Variants in PDE1C observed in about 807,000 individuals in gnomAD.
The protein encoded by PDE1C is dual specificity calcium/calmodulin-dependent 3',5'-cyclic nucleotide phosphodiesterase 1C.
Under a neutral mutation model 93.1 loss-of-function variants are expected in PDE1C, and 62 were observed. The ratio of observed to expected loss-of-function variants is 0.67; its 90% confidence interval spans 0.54 to 0.82. PDE1C has a LOEUF of 0.82. Among genes scored for constraint, PDE1C ranks in the 40% least tolerant of loss-of-function variants. PDE1C has a pLI of 0.00. For missense variants in PDE1C, 742 were observed against 884.6 expected (o/e 0.84, Z 2.04); for synonymous variants, 325 against 310.1 (o/e 1.05, Z -0.50).
intron 2 of PDE1C, among the ~76,000 whole-genome samples, chr7:32,035,567 A>G (rs1010155303): frequency 3.3e-5 from 5 of 152,352 alleles, no homozygotes; most frequent in South Asian, 2.1e-4. Flanking sequence ...TAAAGAAATT[A>G]TATTTTCTGA....
intron 2 of PDE1C, among the ~76,000 whole-genome samples, chr7:32,180,450 G>C (rs1803316543): frequency 6.6e-6 from 1 of 152,108 alleles, no homozygotes; most frequent in Non-Finnish European, 1.5e-5. Flanking sequence ...GTGGCCTTTG[G>C]GAGGTGATTG....
At chr7:31,947,935 G>A (rs1275807455) in intron 2 of PDE1C, among the ~76,000 whole-genome samples, 1 of 152,188 alleles carries the variant, frequency 6.6e-6, no homozygotes, top group Non-Finnish European at 1.5e-5. Context: ...GCAGTAAGAT[G>A]TGCAGGTGAT....
chr7:32,106,342 C>G (rs1323780153), intron 3 of PDE1C, among the ~76,000 whole-genome samples: 1 of 152,118 alleles, frequency 6.6e-6, no homozygotes, highest in Non-Finnish European at 1.5e-5. Context: ...CTATGCCCAG[C>G]TTTACAACTA....
the PDE1C span, among the ~76,000 whole-genome samples, chr7:31,618,527 G>A: frequency 4.6e-5 from 7 of 152,268 alleles, no homozygotes; most frequent in South Asian, 1.0e-3. Flanking sequence ...GCCTCCAGGG[G>A]CCCCTTCTTC....
At chr7:31,717,271 G>C in the PDE1C span, among the ~76,000 whole-genome samples, 4 of 152,144 alleles carry the variant, frequency 2.6e-5, no homozygotes, top group Non-Finnish European at 5.9e-5. Context: ...TAAAAAGTTA[G>C]TGAATGTTTA....
At chr7:32,246,168 T>C (rs947206057) in intron 1 of PDE1C, among the ~76,000 whole-genome samples, 4 of 152,036 alleles carry the variant, frequency 2.6e-5, no homozygotes, top group Non-Finnish European at 5.9e-5. Flanking sequence ...AAGGTTTCAC[T>C]ATGTTTCCCA....
intron 1 of PDE1C, among the ~76,000 whole-genome samples, chr7:32,340,118 A>G (rs215671): frequency 0.96 from 146,316 of 152,170 alleles, 70,460 homozygotes; most frequent in East Asian, 1. Flanking sequence ...GCTGGGACTT[A>G]CCAGAGTGGG....
intron 1 of PDE1C, among the ~76,000 whole-genome samples, chr7:32,245,882 A>G (rs1808892789): frequency 6.6e-6 from 1 of 151,972 alleles, no homozygotes; most frequent in Non-Finnish European, 1.5e-5. Flanking sequence ...ACTCTGCCCT[A>G]CTTATCCAGT....
Position 32,018,347 on chromosome 7 carries a change from C to T in PDE1C, c.128+33207G>A, listed in dbSNP as rs990500066. 5.9e-5 allele frequency among the ~76,000 whole-genome samples: 9 copies of T among 152,054 alleles called. No homozygotes were observed. The East Asian group carries it at 7.7e-4, about 13-fold the overall frequency. On this transcript the variant is annotated intron_variant, in intron 2 of 17. Coordinates refer to ENST00000396191, the MANE Select transcript of PDE1C (RefSeq NM_001191057.4). ...AAGAGAAATGAAAACTAAAAACATA[C>T]GTCTACCCAAAAACTTACATAAGAA...
At chr7:31,628,995 TC>T in the PDE1C span, among the ~76,000 whole-genome samples, 612 of 152,208 alleles carry the variant, frequency 4.0e-3, no homozygotes, top group Middle Eastern at 0.017. Flanking sequence ...GGTACTTGAA[TC>T]AGTAGAAAAA....
chr7:32,287,638 C>T (rs540168428), intron 1 of PDE1C, among the ~76,000 whole-genome samples: 3 of 152,210 alleles, frequency 2.0e-5, no homozygotes, highest in South Asian at 2.1e-4. Context: ...TGAGTGGTTA[C>T]GACCCATGCG....
chr7:31,903,918 A>G (rs1253165776), intron 2 of PDE1C, among the ~76,000 whole-genome samples: 1 of 152,178 alleles, frequency 6.6e-6, no homozygotes, highest in Middle Eastern at 3.2e-3. Context: ...TATCTCTATT[A>G]TTGAGATAAA....
chr7:31,961,329 T>C (rs963738498), intron 2 of PDE1C, among the ~76,000 whole-genome samples: 15 of 151,972 alleles, frequency 9.9e-5, no homozygotes, highest in Non-Finnish European at 2.1e-4. Flanking sequence ...TATATACATA[T>C]ACAAGATTGA....
chr7:31,652,701 G>A, the PDE1C span: 1 of 1,613,960 alleles, frequency 6.2e-7, no homozygotes, highest in Middle Eastern at 1.6e-4. Flanking sequence ...CCAGTTGGCT[G>A]CCTTCACTCC....
intron 17 of PDE1C, among the ~76,000 whole-genome samples, chr7:31,769,351 G>T (rs78157379): frequency 0.011 from 1,710 of 152,188 alleles, 18 homozygotes; most frequent in South Asian, 0.041. Context: ...AGCATTTAAG[G>T]TTTCCTCACC....
chr7:32,191,976 A>G (rs781432539), intron 2 of PDE1C, among the ~76,000 whole-genome samples: 21 of 151,776 alleles, frequency 1.4e-4, no homozygotes, highest in Non-Finnish European at 2.2e-4. Context: ...TTCCCTTTTC[A>G]TATCTTTTTA....
intron 2 of PDE1C, among the ~76,000 whole-genome samples, chr7:31,900,415 C>CT (rs57362964): frequency 0.43 from 62,321 of 144,538 alleles, 14,670 homozygotes; most frequent in Non-Finnish European, 0.54. Context: ...TCCTGGCTAC[C>CT]TTTTTTTTTT....
At chr7:32,007,755 C>G (rs921194771) in intron 2 of PDE1C, among the ~76,000 whole-genome samples, 1 of 152,126 alleles carries the variant, frequency 6.6e-6, no homozygotes, top group African/African-American at 2.4e-5. Context: ...CCTCATTCTA[C>G]CAGCATGGAA....
chr7:32,037,288 G>A (rs1408124583), intron 2 of PDE1C, among the ~76,000 whole-genome samples: 1 of 152,064 alleles, frequency 6.6e-6, no homozygotes, highest in East Asian at 1.9e-4. Context: ...GTCTTTATTA[G>A]GTGTTTTCTG....
Sources: gnomAD v4.1 joint callset for allele counts (sites outside exome capture counted in the v4.1 genomes callset) on GRCh38, gnomAD v4.1.1 for gene constraint, MANE v1.5 for transcripts, NCBI Gene and HGNC (gene_info 2026-07-23, HGNC 2026-07-21) for gene names.